Variants in LILRA1 observed in about 807,000 individuals in gnomAD.
LILRA1 encodes leukocyte immunoglobulin-like receptor subfamily A member 1.
Under a neutral mutation model 51.6 loss-of-function variants are expected in LILRA1, and 51 were observed. The ratio of observed to expected loss-of-function variants is 0.99; its 90% confidence interval spans 0.79 to 1.25. The LOEUF is 1.25. Among genes scored for constraint, LILRA1 ranks in the 50% most tolerant of loss-of-function variants. The pLI is 0.00. For missense variants in LILRA1, 660 were observed against 611.7 expected (o/e 1.08, Z -0.83); for synonymous variants, 305 against 248.4 (o/e 1.23, Z -2.14).
chr19:54,596,513 T>A, intron 7 of LILRA1, 22 bp downstream of exon 7: 1 of 1,613,766 alleles, frequency 6.2e-7, no homozygotes, highest in Non-Finnish European at 8.5e-7. Context: ...GACCCTGTCC[T>A]CTCCGAGCTC....
intron 7 of LILRA1, among the ~76,000 whole-genome samples, chr19:54,598,909 C>A (rs781712888): frequency 1.3e-5 from 2 of 152,126 alleles, no homozygotes; most frequent in Non-Finnish European, 2.9e-5. Context: ...AATTCTCCTG[C>A]CTCAGCCTCC....
chr19:54,599,180 AT>A (rs2063120191), intron 7 of LILRA1, 55 bp from the exon 8 acceptor site: 5 of 1,480,274 alleles, frequency 3.4e-6, no homozygotes, highest in Non-Finnish European at 4.6e-6. Flanking sequence ...CTTATATAGA[AT>A]TTGTTATATA....
In LILRA1 at chr19:54,595,799, G is replaced by C. The variant is rs766213795; in HGVS notation, c.822G>C (p.Gln274His). 6.2e-7 allele frequency: 1 copy of C among 1,614,204 alleles called. No homozygotes were observed. The highest frequency in any genetic ancestry group is 8.5e-7 in the Non-Finnish European group (1 of 1,180,014). ...DFLQLPGPQP[Q>H]AGLSQANFTL... ...TCCAGCTCCCTGGCCCACAGCCCCAGGCTGGGCTCTCCCAGGCCAACTTCA... is the reference window on the plus strand; with the variant it reads ...TCCAGCTCCCTGGCCCACAGCCCCACGCTGGGCTCTCCCAGGCCAACTTCA... Residue 274 changes from glutamine to histidine, a missense_variant, in exon 6 of 10, where the codon CAG becomes CAC. Physicochemically the swap from Gln to His is conservative, Grantham distance 24. Transcript: ENST00000251372.
intron 8 of LILRA1, among the ~76,000 whole-genome samples, chr19:54,600,141 T>C (rs1012931570): frequency 6.6e-6 from 1 of 152,138 alleles, no homozygotes; most frequent in African/African-American, 2.4e-5. Flanking sequence ...CTCCCATGCA[T>C]GGAGCCTGGG....
At position 54,595,687 on chromosome 19, in the gene LILRA1, C is replaced by A. The variant is rs1419778295; in HGVS notation, c.710C>A (p.Ala237Asp). 2 of 1,613,882 alleles carry A rather than the reference C, an allele frequency of 1.2e-6. No homozygotes were observed. Among genetic ancestry groups the A allele is most frequent in the African/African-American group, 2.7e-5 (2 of 74,890 alleles). Residue 237 changes from alanine to aspartate, a missense_variant, in exon 6 of 10, where the codon GCC becomes GAC. Physicochemically the swap from Ala to Asp is moderately radical, Grantham distance 126. Transcript: ENST00000251372. ...SLSVQPGPIV[A>D]PGESLTLQCV... The stretch of plus-strand genomic sequence containing the variant: ...TCAGTGCAGCCAGGTCCTATAGTGG[C>A]CCCTGGGGAGAGCCTGACCCTCCAG...
At chr19:54,595,558 T>G in intron 5 of LILRA1, 81 bp from the exon 6 acceptor site, 1 of 1,551,236 alleles carries the variant, frequency 6.4e-7, no homozygotes, top group Non-Finnish European at 8.7e-7. Flanking sequence ...AGATCAGCAG[T>G]GGTGAGGCCC....
chr19:54,595,602 G>A (rs2063024681), intron 5 of LILRA1, 37 bp from the exon 6 acceptor site: 3 of 1,579,616 alleles, frequency 1.9e-6, no homozygotes, highest in Non-Finnish European at 2.6e-6. Context: ...GGAAGCCTGA[G>A]GGTCGGCTCC....
At position 54,594,911 on chromosome 19, in the gene LILRA1, G is replaced by T. The variant is rs2062998248; in HGVS notation, c.317G>T (p.Gly106Val). ...TGTTTCTACGGTAGCCACACTGCAG[G>T]CTGGTCAGAGCCCAGTGACCCCCTG... ...YRCFYGSHTAGWSEPSDPLEL... is the reference protein window; with the variant it reads ...YRCFYGSHTAVWSEPSDPLEL... The change falls in exon 4 of 10, where the codon GGC becomes GTC. Residue 106 changes from glycine (G) to valine (V), a missense_variant. Transcript: ENST00000251372. 6.2e-7 allele frequency: 1 copy of T among 1,613,964 alleles called. No homozygotes were observed. Among genetic ancestry groups the T allele is most frequent in the Admixed American group, 1.7e-5 (1 of 60,006 alleles).
At chr19:54,595,019 C>T in intron 4 of LILRA1, 67 bp downstream of exon 4, 3 of 1,603,406 alleles carry the variant, frequency 1.9e-6, no homozygotes, top group South Asian at 1.1e-5. Context: ...TTCTCAGGGG[C>T]ATCTCCCTCT....
chr19:54,597,373 A>G (rs1486726108), intron 7 of LILRA1, among the ~76,000 whole-genome samples: 1 of 152,060 alleles, frequency 6.6e-6, no homozygotes, highest in Non-Finnish European at 1.5e-5. Context: ...TGATGAGTGG[A>G]GCAGCGGGGT....
rs554605483 is a variant in LILRA1 at position 54,600,826 on chromosome 19, C to T, written c.*9C>T. 3.8e-5 allele frequency: 61 copies of T among 1,613,670 alleles called. No homozygotes were observed. Among genetic ancestry groups the T allele is most frequent in the African/African-American group, 2.5e-4 (19 of 74,964 alleles). On this transcript the variant is annotated 3_prime_UTR_variant, in exon 10 of 10. Coordinates refer to ENST00000251372, the MANE Select transcript of LILRA1 (RefSeq NM_006863.4). ...GCCAGAGAAGCCTCTGAGATGCAGC[C>T]GGGAGGTGAACAGCAGAGAGAAGAA...
chr19:54,596,604 A>G, intron 7 of LILRA1, 113 bp downstream of exon 7: 1 of 1,454,094 alleles, frequency 6.9e-7, no homozygotes, highest in African/African-American at 1.4e-5. Context: ...ACGGTGGCTT[A>G]CACCTGTAAT....
chr19:54,598,754 T>C (rs2063109416), intron 7 of LILRA1, among the ~76,000 whole-genome samples: 1 of 152,164 alleles, frequency 6.6e-6, no homozygotes, highest in Non-Finnish European at 1.5e-5. Context: ...TTATAAATTG[T>C]TAAAGGTGTT....
At chr19:54,600,314 C>T (rs187293760) in intron 8 of LILRA1, among the ~76,000 whole-genome samples, 198 bp from the exon 9 acceptor site, 1 of 152,272 alleles carries the variant, frequency 6.6e-6, no homozygotes, top group Non-Finnish European at 1.5e-5. Flanking sequence ...CCAAATGCCT[C>T]AGGAGTAACA....
Position 54,595,217 on chromosome 19 carries a change from AAGG to A in LILRA1, c.479_481del (p.Gly160del), listed in dbSNP as rs1179261900. 3 of 1,613,996 alleles carry A rather than the reference AAGG, an allele frequency of 1.9e-6. No homozygotes were observed. Among genetic ancestry groups the A allele is most frequent in the Admixed American group, 1.7e-5 (1 of 60,006 alleles). On this transcript the variant is annotated inframe_deletion, in exon 5 of 10. Coordinates refer to ENST00000251372, the MANE Select transcript of LILRA1 (RefSeq NM_006863.4). The stretch of plus-strand genomic sequence containing the variant: ...TTTGGCAGCTTCATTCTGTGTAAGG[AAGG>A]AGAAGATGAACACCCACAATGCCTG...
chr19:54,595,637 A>G lies in LILRA1; in HGVS notation c.662-2A>G, dbSNP rs769703567. On this transcript the variant is annotated splice_acceptor_variant, in intron 5 of 9. Transcript: ENST00000251372. LOFTEE classifies it high-confidence loss of function. Reference sequence around the variant, plus strand: ...CTGGAAACCATGAGCACCTTTTCCCAGGTGTTTCTAAGAAGCCATCACTCT... The same window carrying G: ...CTGGAAACCATGAGCACCTTTTCCCGGGTGTTTCTAAGAAGCCATCACTCT... The G allele has an allele frequency of 1.2e-5, 20 of 1,604,272 alleles. No individual in the cohort carries two copies. The Admixed American group carries it at 2.9e-4, about 23-fold the overall frequency.
intron 1 of LILRA1, 27 bp from the exon 2 acceptor site, chr19:54,594,170 T>C (rs570241305): frequency 9.1e-7 from 1 of 1,093,398 alleles, no homozygotes; most frequent in South Asian, 1.3e-5. Context: ...GGAGGCTATT[T>C]CTCTCTGTGT....
rs2063054338 is a variant in LILRA1 at position 54,596,314 on chromosome 19, G to A, written c.1084G>A (p.Ala362Thr). Residue 362 changes from alanine (A) to threonine (T), a missense_variant, in exon 7 of 10, where the codon GCA becomes ACA. Coordinates refer to ENST00000251372, the MANE Select transcript of LILRA1 (RefSeq NM_006863.4). ...FHTFLLTKAG[A>T]ADAPLRLRSI... ...CACTTTCCTTCTGACCAAGGCGGGA[G>A]CAGCTGATGCCCCCCTCCGTCTCAG... 3.7e-6 allele frequency: 6 copies of A among 1,614,016 alleles called. No individual in the cohort carries two copies. Among genetic ancestry groups the A allele is most frequent in the Non-Finnish European group, 5.1e-6 (6 of 1,180,026 alleles).
Position 54,594,253 on chromosome 19 carries a change from C to T in LILRA1, c.9C>T (p.Pro3=). MT[P]IVTVLICLRL... The stretch of plus-strand genomic sequence containing the variant: ...CAGTGGGAGGAGACGCTATGACCCC[C>T]ATCGTCACAGTCCTGATCTGTCTCA... The change falls in exon 2 of 10, where the codon CCC becomes CCT. Residue 3 remains proline, a synonymous_variant. Coordinates refer to ENST00000251372, the MANE Select transcript of LILRA1 (RefSeq NM_006863.4). The T allele has an allele frequency of 6.2e-7, 1 of 1,612,462 alleles. No homozygotes were observed. The highest frequency in any genetic ancestry group is 8.5e-7 in the Non-Finnish European group (1 of 1,179,384).
Sources: allele counts gnomAD v4.1 joint callset (sites outside exome capture counted in the v4.1 genomes callset), GRCh38; gene constraint gnomAD v4.1.1; transcripts MANE v1.5; gene names NCBI Gene and HGNC (gene_info 2026-07-23, HGNC 2026-07-21).